Variants in PSMD11 observed in about 807,000 individuals in gnomAD.
The protein encoded by PSMD11 is 26S proteasome non-ATPase regulatory subunit 11.
PSMD11 carries 5 observed loss-of-function variants against 62.3 expected under a neutral mutation model. The ratio of observed to expected loss-of-function variants is 0.08; its 90% CI spans 0.04 to 0.17. The LOEUF (loss-of-function observed/expected upper bound fraction) is 0.17. Ranked by LOEUF, PSMD11 falls within the 10% of genes least tolerant of loss-of-function variation. The pLI is 1.00. For missense variants in PSMD11, 310 were observed against 512.9 expected (o/e 0.60, Z 3.82); for synonymous variants, 191 against 191.8 (o/e 1.00, Z 0.03).
At chr17:32,469,222 G>A (rs753704908) in intron 6 of PSMD11, 29 bp downstream of exon 6, 8 of 1,594,530 alleles carry the variant, frequency 5.0e-6, no homozygotes, top group Admixed American at 3.4e-5. Flanking sequence ...CCTGGGATGT[G>A]TTTTCTTAAA....
intron 10 of PSMD11, 61 bp from the exon 11 acceptor site, chr17:32,479,790 T>C: frequency 6.4e-7 from 1 of 1,554,538 alleles, no homozygotes; most frequent in South Asian, 1.1e-5. Context: ...TTCCCTCCCT[T>C]CTCTTATTGG....
chr17:32,456,549 A>C (rs1907656680), intron 3 of PSMD11, among the ~76,000 whole-genome samples: 2 of 150,938 alleles, frequency 1.3e-5, no homozygotes, highest in African/African-American at 4.9e-5. Context: ...TTTTTTTTTG[A>C]GACGGAGTCT....
At chr17:32,449,678 T>C (rs1020367608) in intron 2 of PSMD11, among the ~76,000 whole-genome samples, 4 of 152,246 alleles carry the variant, frequency 2.6e-5, no homozygotes, top group African/African-American at 7.2e-5. Context: ...ATGTTACTTA[T>C]TGTTTTCTAA....
At position 32,481,573 on chromosome 17, in the gene PSMD11, C is replaced by CTCCTGCAT. The variant is rs1908496023; in HGVS notation, c.*826_*833dup. The CTCCTGCAT allele has an allele frequency of 6.6e-6, 1 of 151,440 alleles. No individual in the cohort carries two copies. The highest frequency in any genetic ancestry group is 6.6e-5 in the Admixed American group (1 of 15,202). The allele number at this position is 151,440 out of a possible 1,614,324, so 9.4% of individuals were successfully genotyped here. A position where few individuals can be genotyped will look rare whatever the true frequency, so the allele number is the denominator to read the frequency against. On this transcript the variant is annotated 3_prime_UTR_variant, in exon 14 of 14. Transcript: ENST00000261712. ...GTGTTTTAATTGCCCCTCTTCTCCT[C>CTCCTGCAT]TCCTGCATTCCTCTCCTCTCTTCTT...
At chr17:32,480,680 G>A (rs150291345) in intron 13 of PSMD11, 49 bp downstream of exon 13, 13 of 1,600,588 alleles carry the variant, frequency 8.1e-6, no homozygotes, top group South Asian at 4.4e-5. Context: ...TGTCTTCTGC[G>A]TGTCGAGACT....
chr17:32,463,108 A>G (rs1183595689), intron 3 of PSMD11, among the ~76,000 whole-genome samples: 2 of 152,330 alleles, frequency 1.3e-5, no homozygotes, highest in Middle Eastern at 3.4e-3. Flanking sequence ...AGCAACCTTA[A>G]TATAAAACTT....
At chr17:32,460,052 G>A (rs1281689250) in intron 3 of PSMD11, among the ~76,000 whole-genome samples, 3 of 152,154 alleles carry the variant, frequency 2.0e-5, no homozygotes, top group African/African-American at 7.2e-5. Flanking sequence ...GAGGCCTGAG[G>A]CAAAATGGGA....
chr17:32,448,621 C>T (rs1033565456), intron 2 of PSMD11, among the ~76,000 whole-genome samples: 2 of 152,088 alleles, frequency 1.3e-5, no homozygotes, highest in African/African-American at 4.8e-5. Flanking sequence ...GATCTACCTG[C>T]CTTGGCCTCC....
intron 2 of PSMD11, among the ~76,000 whole-genome samples, chr17:32,452,849 C>T (rs1403844377): frequency 6.6e-6 from 1 of 152,130 alleles, no homozygotes; most frequent in South Asian, 2.1e-4. Context: ...CAAGTAGTAC[C>T]TTTACAAAGT....
chr17:32,467,202 C>CA (rs1311695937), intron 5 of PSMD11, among the ~76,000 whole-genome samples: 1 of 150,610 alleles, frequency 6.6e-6, no homozygotes, highest in Non-Finnish European at 1.5e-5. Flanking sequence ...CTTGGCCTCC[C>CA]AAAGTTCTAG....
chr17:32,456,325 A>G lies in PSMD11; in HGVS notation c.318+1706A>G, dbSNP rs150007948. On this transcript the variant is annotated intron_variant, in intron 3 of 13. Coordinates refer to ENST00000261712, the MANE Select transcript of PSMD11 (RefSeq NM_002815.4). ...CCTTTTTGCACACTGAAGTTTCTGA[A>G]ATTATCCATCCCCATAACCTAGAGC... 4.8e-3 allele frequency among the ~76,000 whole-genome samples: 734 copies of G among 152,206 alleles called. 5 individuals carry two copies. The highest frequency in any genetic ancestry group is 0.016 in the African/African-American group (648 of 41,518).
chr17:32,463,018 T>G (rs1273273460), intron 3 of PSMD11, among the ~76,000 whole-genome samples: 1 of 152,254 alleles, frequency 6.6e-6, no homozygotes, highest in Non-Finnish European at 1.5e-5. Flanking sequence ...TGGATTTATA[T>G]AAAAACCTGT....
At chr17:32,471,455 A>G (rs1357447041) in intron 6 of PSMD11, among the ~76,000 whole-genome samples, 1 of 152,248 alleles carries the variant, frequency 6.6e-6, no homozygotes, top group Non-Finnish European at 1.5e-5. Context: ...TCCACAAATG[A>G]TAAATATTTG....
At chr17:32,446,216 GAGT>G (rs1339001691) in intron 1 of PSMD11, among the ~76,000 whole-genome samples, 7 of 152,210 alleles carry the variant, frequency 4.6e-5, no homozygotes, top group Admixed American at 1.3e-4. Flanking sequence ...TGCTTTGTAA[GAGT>G]AGTAGTAACT....
At chr17:32,464,263 A>C in intron 4 of PSMD11, 143 bp downstream of exon 4, 1 of 870,164 alleles carries the variant, frequency 1.1e-6, no homozygotes, top group Non-Finnish European at 1.8e-6. Context: ...AGCCCCACTT[A>C]TGATAATTGC....
intron 3 of PSMD11, among the ~76,000 whole-genome samples, chr17:32,458,652 C>T (rs1907719371): frequency 6.6e-6 from 1 of 152,200 alleles, no homozygotes; most frequent in Admixed American, 6.5e-5. Flanking sequence ...ACAGAGCCTT[C>T]CTCATTCCCA....
chr17:32,444,817 C>T (rs1907277115), intron 1 of PSMD11: 2 of 600,462 alleles, frequency 3.3e-6, no homozygotes. Context: ...AGGCAATCCC[C>T]GGGTCCCCTC....
At chr17:32,466,253 TC>T (rs200705566) in intron 5 of PSMD11, among the ~76,000 whole-genome samples, 2,849 of 152,272 alleles carry the variant, frequency 0.019, 27 homozygotes, top group Middle Eastern at 0.031. Flanking sequence ...TGCCTTGGCC[TC>T]CCAAAGTACT....
chr17:32,474,426 G>A (rs1408213415), intron 7 of PSMD11, among the ~76,000 whole-genome samples: 1 of 152,210 alleles, frequency 6.6e-6, no homozygotes, highest in Admixed American at 6.5e-5. Context: ...ACTCTCTCTG[G>A]ATCTTTGGAT....
Sources: gnomAD v4.1 joint callset for allele counts (sites outside exome capture counted in the v4.1 genomes callset) on GRCh38, gnomAD v4.1.1 for gene constraint, MANE v1.5 for transcripts, NCBI Gene and HGNC (gene_info 2026-07-23, HGNC 2026-07-21) for gene names.